Variants in GOLGA4 observed in about 807,000 individuals in gnomAD.
GOLGA4 encodes the protein golgin subfamily A member 4.
Under a neutral mutation model 265.9 loss-of-function variants are expected in GOLGA4, and 169 were observed. The observed-to-expected ratio is 0.64, with a 90% CI of 0.56 to 0.72. GOLGA4 has a LOEUF of 0.72. Among genes scored for constraint, GOLGA4 ranks in the 30% least tolerant of loss-of-function variants. The pLI, the probability that GOLGA4 is intolerant of heterozygous loss-of-function variation, is 0.00. For synonymous variants in GOLGA4, 923 were observed against 855.8 expected (o/e 1.08, Z -1.37); for missense variants, 2,482 against 2,483.4 (o/e 1.00, Z 0.01).
intron 2 of GOLGA4, among the ~76,000 whole-genome samples, chr3:37,260,261 A>G (rs934982238): frequency 5.3e-5 from 8 of 152,058 alleles, no homozygotes; most frequent in African/African-American, 1.4e-4. Flanking sequence ...GGTTGGATGA[A>G]TTTAATTGAC....
chr3:37,287,387 T>C (rs1288344718), intron 4 of GOLGA4: 1 of 152,162 alleles, frequency 6.6e-6, no homozygotes, highest in African/African-American at 2.4e-5. Flanking sequence ...TTTCTACATG[T>C]GTACCTGCCT....
At chr3:37,286,116 TTA>T in intron 4 of GOLGA4, 55 bp downstream of exon 4, 2 of 762,702 alleles carry the variant, frequency 2.6e-6, no homozygotes, top group East Asian at 2.5e-5. Context: ...CAGAAAGATC[TTA>T]TATAGTAAGA....
At chr3:37,244,807 A>G (rs1261432706) in intron 1 of GOLGA4, among the ~76,000 whole-genome samples, 1 of 152,258 alleles carries the variant, frequency 6.6e-6, no homozygotes, top group Non-Finnish European at 1.5e-5. Context: ...GCAAATGGTA[A>G]TTAAAATTTA....
intron 4 of GOLGA4, chr3:37,287,382 ACATGTG>A (rs1212213572): frequency 2.2e-4 from 34 of 152,382 alleles, no homozygotes; most frequent in African/African-American, 8.2e-4. Context: ...TCTCTTTTCT[ACATGTG>A]TACCTGCCTA....
At chr3:37,243,714 C>T in intron 1 of GOLGA4, 92 bp downstream of exon 1, 1 of 1,084,112 alleles carries the variant, frequency 9.2e-7, no homozygotes, top group East Asian at 2.5e-5. Context: ...GAAGTTCTTC[C>T]GTGACCTTTA....
In GOLGA4 at chr3:37,286,059, CAAGT is replaced by C; in HGVS notation, c.525+3_525+6del. ...GCTTCAGAGAGAGAAGAAAAAGCTA[CAAGT>C]AAGTGATTTGTCAACTGCATTACTG... is the stretch of plus-strand genomic sequence containing the variant. On this transcript the variant is annotated splice_donor_variant and coding_sequence_variant, in exon 4 of 24. Coordinates refer to ENST00000361924, the MANE Select transcript of GOLGA4 (RefSeq NM_002078.5). LOFTEE classifies it high-confidence loss of function. 3 of 1,486,962 alleles carry C rather than the reference CAAGT, an allele frequency of 2.0e-6. No individual in the cohort carries two copies. Among genetic ancestry groups the C allele is most frequent in the Non-Finnish European group, 1.8e-6 (2 of 1,087,820 alleles). The allele number at this position is 1,486,962 out of a possible 1,614,324, so 92.1% of individuals were successfully genotyped here. A position where few individuals can be genotyped will look rare whatever the true frequency, so the allele number is the denominator to read the frequency against.
At chr3:37,316,691 G>C (rs2096938480) in intron 11 of GOLGA4, among the ~76,000 whole-genome samples, 1 of 152,102 alleles carries the variant, frequency 6.6e-6, no homozygotes, top group Non-Finnish European at 1.5e-5. Context: ...AAAATCAGAA[G>C]ATATGAAGTA....
chr3:37,286,049 G>A lies in GOLGA4; in HGVS notation c.513G>A (p.Lys171=). Residue 171 remains lysine, a synonymous_variant, in exon 4 of 24, where the codon AAG becomes AAA. Coordinates refer to ENST00000361924, the MANE Select transcript of GOLGA4 (RefSeq NM_002078.5). ...VTAYQMLQRE[K]KKLQGILSQS... ...CTTATCAGATGCTTCAGAGAGAGAA[G>A]AAAAAGCTACAAGTAAGTGATTTGT... 2 of 1,515,976 alleles carry A rather than the reference G, an allele frequency of 1.3e-6. No homozygotes were observed. The highest frequency in any genetic ancestry group is 1.1e-5 in the South Asian group (1 of 87,100). The allele number at this position is 1,515,976 out of a possible 1,614,324, so 93.9% of individuals were successfully genotyped here.
intron 11 of GOLGA4, among the ~76,000 whole-genome samples, chr3:37,317,706 A>G (rs1186468127): frequency 6.6e-6 from 1 of 152,294 alleles, no homozygotes; most frequent in East Asian, 1.9e-4. Context: ...AAATTAATAT[A>G]TATAACTCTT....
intron 10 of GOLGA4, among the ~76,000 whole-genome samples, chr3:37,314,967 A>G (rs943752210): frequency 6.6e-6 from 1 of 152,230 alleles, no homozygotes; most frequent in African/African-American, 2.4e-5. Context: ...ATGCCTAAGA[A>G]TAGTTTTTCC....
chr3:37,246,173 G>C (rs1258643891), intron 1 of GOLGA4, among the ~76,000 whole-genome samples: 1 of 151,994 alleles, frequency 6.6e-6, no homozygotes, highest in Non-Finnish European at 1.5e-5. Flanking sequence ...GGGGCGTGGT[G>C]GCGCACACCT....
chr3:37,319,112 A>C lies in GOLGA4; in HGVS notation c.1463A>C (p.Glu488Ala). ...IAKLQKLHEK[E>A]LARKEQELTK... is the part of the protein sequence containing the mutation. ...AAGCTACAGAAGCTTCATGAAAAGG[A>C]GCTGGCCAGAAAAGAGCAGGAACTG... is the stretch of plus-strand genomic sequence containing the variant. Residue 488 changes from glutamate to alanine, a missense_variant, in exon 12 of 24, where the codon GAG (glutamate) becomes GCG (alanine). Coordinates refer to ENST00000361924, the MANE Select transcript of GOLGA4 (RefSeq NM_002078.5). 6.2e-7 allele frequency: 1 copy of C among 1,610,622 alleles called. No homozygotes were observed. Among genetic ancestry groups the C allele is most frequent in the Middle Eastern group, 1.7e-4 (1 of 6,044 alleles).
intron 21 of GOLGA4, among the ~76,000 whole-genome samples, chr3:37,350,921 G>A (rs769970301): frequency 1.4e-4 from 22 of 152,112 alleles, no homozygotes; most frequent in Non-Finnish European, 2.6e-4. Context: ...TTACCTCTAT[G>A]TTGATGGCTC....
chr3:37,264,573 G>A (rs536295414), intron 2 of GOLGA4, among the ~76,000 whole-genome samples: 1 of 152,188 alleles, frequency 6.6e-6, no homozygotes, highest in East Asian at 1.9e-4. Flanking sequence ...GCTCTAGTTA[G>A]TATTCATAAC....
chr3:37,359,641 T>G (rs1051289895), intron 22 of GOLGA4, among the ~76,000 whole-genome samples: 29 of 152,268 alleles, frequency 1.9e-4, no homozygotes, highest in African/African-American at 6.7e-4. Context: ...TTCTTGGTGG[T>G]GTATATAGTT....
At chr3:37,313,559 A>T (rs1191848143) in intron 10 of GOLGA4, 2 of 152,162 alleles carry the variant, frequency 1.3e-5, no homozygotes, top group African/African-American at 4.8e-5. Context: ...AGTTTTGTTT[A>T]TAGTCTATCT....
At chr3:37,273,496 T>G in intron 2 of GOLGA4, 1 of 1,156,784 alleles carries the variant, frequency 8.6e-7, no homozygotes. Context: ...CCTTTAGTTT[T>G]TTGTTCTTTT....
chr3:37,359,090 T>C (rs2097097868), intron 22 of GOLGA4, among the ~76,000 whole-genome samples: 1 of 152,202 alleles, frequency 6.6e-6, no homozygotes, highest in Non-Finnish European at 1.5e-5. Context: ...AATGCACATA[T>C]CTCTGTTTTT....
chr3:37,332,290 G>A (rs982719478), intron 16 of GOLGA4, among the ~76,000 whole-genome samples: 1 of 152,166 alleles, frequency 6.6e-6, no homozygotes, highest in African/African-American at 2.4e-5. Context: ...AGCTTCATAA[G>A]TTAATGCAAG....
Sources: allele counts gnomAD v4.1 joint callset (sites outside exome capture counted in the v4.1 genomes callset), GRCh38; gene constraint gnomAD v4.1.1; transcripts MANE v1.5; gene names NCBI Gene and HGNC (gene_info 2026-07-23, HGNC 2026-07-21).